The following ADPGK variants were observed in gnomAD, a reference collection of about 807,000 sequenced individuals.
The protein encoded by ADPGK is ADP dependent glucokinase.
A neutral mutation model predicts 42.4 loss-of-function variants in ADPGK; 26 were observed. The ratio of observed to expected loss-of-function variants is 0.61; its 90% CI spans 0.45 to 0.85. The LOEUF is 0.85. Among genes scored for constraint, ADPGK ranks in the 40% least tolerant of loss-of-function variants. The probability of loss-of-function intolerance (pLI) is 0.00; values close to 1 mark genes in which losing one functional copy is unlikely to be tolerated. For missense variants in ADPGK, 571 were observed against 627.0 expected (o/e 0.91, Z 0.95); for synonymous variants, 267 against 252.6 (o/e 1.06, Z -0.54).
chr15:72,772,585 T>A (rs557360131), intron 2 of ADPGK, among the ~76,000 whole-genome samples: 1 of 152,252 alleles, frequency 6.6e-6, no homozygotes, highest in East Asian at 1.9e-4. Context: ...AACAAACCTC[T>A]AATGCAGCTC....
chr15:72,782,330 A>T (rs4777538), intron 1 of ADPGK, among the ~76,000 whole-genome samples: 16,916 of 151,988 alleles, frequency 0.11, 1,661 homozygotes, highest in East Asian at 0.5. Flanking sequence ...CCTGGGCAAT[A>T]TAGCAAGACC....
At chr15:72,753,320 T>C (rs911963868) in intron 6 of ADPGK, among the ~76,000 whole-genome samples, 3 of 152,214 alleles carry the variant, frequency 2.0e-5, no homozygotes, top group Non-Finnish European at 4.4e-5. Flanking sequence ...GTCAGGGTTA[T>C]AATGATTTTT....
chr15:72,759,785 A>T (rs547115873), intron 4 of ADPGK, among the ~76,000 whole-genome samples: 1 of 152,356 alleles, frequency 6.6e-6, no homozygotes, highest in African/African-American at 2.4e-5. Flanking sequence ...AGTATTTAAT[A>T]TTCTCTCAGA....
Position 72,752,552 on chromosome 15 carries a change from C to G in ADPGK, c.1283G>C (p.Arg428Thr). The change falls in exon 7 of 7, where the codon AGG (arginine) becomes ACG (threonine). Residue 428 changes from arginine (R) to threonine (T), a missense_variant. Arg to Thr is a moderately conservative substitution (Grantham distance 71). Transcript: ENST00000456471. The stretch of plus-strand genomic sequence containing the variant: ...GGAAGTCATGAACTCTTGGGGTGCC[C>G]TCAGAGACACTCGGCTGGTGTCTAT... ...ETIDTSRVSL[R>T]APQEFMTSHS... is the part of the protein sequence containing the mutation. The G allele has an allele frequency of 6.2e-7, 1 of 1,614,212 alleles. No homozygotes were observed. The highest frequency in any genetic ancestry group is 8.5e-7 in the Non-Finnish European group (1 of 1,180,040).
chr15:72,755,241 T>G (rs1211352124), intron 6 of ADPGK, among the ~76,000 whole-genome samples: 2 of 152,268 alleles, frequency 1.3e-5, no homozygotes, highest in East Asian at 3.8e-4. Flanking sequence ...TTTGAGCTTC[T>G]TGAAGTTCAA....
intron 4 of ADPGK, chr15:72,757,446 A>C (rs1465636442): frequency 6.6e-6 from 1 of 152,388 alleles, no homozygotes; most frequent in Non-Finnish European, 1.5e-5. Context: ...ACCTCAGGTG[A>C]TCTGCCTGCC....
intron 3 of ADPGK, among the ~76,000 whole-genome samples, chr15:72,771,099 T>A (rs1192424603): frequency 6.6e-6 from 1 of 152,234 alleles, no homozygotes; most frequent in Non-Finnish European, 1.5e-5. Context: ...CAAACCTTAA[T>A]CATTATACAG....
In ADPGK at chr15:72,783,713, G is replaced by A. The variant is rs943446687; in HGVS notation, c.-22C>T. On this transcript the variant is annotated 5_prime_UTR_variant, in exon 1 of 7. Coordinates refer to ENST00000456471, the MANE Select transcript of ADPGK (RefSeq NM_001365225.1). ...CCATGGGGACCCAGGCGCCGCACCT[G>A]CGCGAACCAACTCCTTTCCTAGCCC... is the stretch of plus-strand genomic sequence containing the variant. The A allele has an allele frequency of 6.9e-6, 10 of 1,447,780 alleles. No homozygotes were observed. Among genetic ancestry groups the A allele is most frequent in the African/African-American group, 1.5e-5 (1 of 67,154 alleles). The allele number at this position is 1,447,780 out of a possible 1,614,324, so 89.7% of individuals were successfully genotyped here.
intron 3 of ADPGK, among the ~76,000 whole-genome samples, chr15:72,767,156 T>C (rs1191312796): frequency 6.6e-6 from 1 of 152,114 alleles, no homozygotes; most frequent in South Asian, 2.1e-4. Flanking sequence ...TCAATCAAAA[T>C]AGATTTCAGA....
intron 1 of ADPGK, among the ~76,000 whole-genome samples, chr15:72,779,543 C>A (rs1335744441): frequency 6.6e-6 from 1 of 152,088 alleles, no homozygotes; most frequent in East Asian, 1.9e-4. Context: ...CCATGCCTGC[C>A]GGGTTTCATC....
rs1435235397 is a variant in ADPGK at position 72,774,973 on chromosome 15, T to G, written c.358A>C (p.Ile120Leu). The G allele has an allele frequency of 6.2e-7, 1 of 1,614,198 alleles. No homozygotes were observed. Among genetic ancestry groups the G allele is most frequent in the African/African-American group, 1.3e-5 (1 of 75,050 alleles). The part of the protein sequence containing the change: ...HSRNDLEEAF[I>L]HFMGKGAAAE... Reference sequence around the variant, plus strand: ...GCTGCTCCCTTCCCCATGAAGTGAATGAAGGCTTCTTCCAGATCATTCCTT... The same window carrying G: ...GCTGCTCCCTTCCCCATGAAGTGAAGGAAGGCTTCTTCCAGATCATTCCTT... Residue 120 changes from isoleucine to leucine, a missense_variant, in exon 2 of 7, where the codon ATT (isoleucine) becomes CTT (leucine). Physicochemically the swap from Ile to Leu is conservative, Grantham distance 5 (BLOSUM62 2). This residue lies in a region of ADPGK where 434 missense variants were observed against 522.7 expected (regional missense o/e 0.83). Transcript: ENST00000456471.
intron 2 of ADPGK, 45 bp downstream of exon 2, chr15:72,774,827 G>C: frequency 1.3e-6 from 2 of 1,528,840 alleles, no homozygotes; most frequent in Non-Finnish European, 1.8e-6. Flanking sequence ...TATTAAAAAG[G>C]CATCTTTTTC....
At chr15:72,766,317 A>T (rs968375732) in intron 3 of ADPGK, among the ~76,000 whole-genome samples, 3 of 152,220 alleles carry the variant, frequency 2.0e-5, no homozygotes, top group Non-Finnish European at 2.9e-5. Flanking sequence ...AAATGCTATC[A>T]AACAGCATCA....
chr15:72,763,715 T>C (rs1219470063), intron 3 of ADPGK, among the ~76,000 whole-genome samples: 2 of 152,200 alleles, frequency 1.3e-5, no homozygotes, highest in African/African-American at 4.8e-5. Flanking sequence ...TGTGCTTCAC[T>C]TTACTGTGCT....
In ADPGK at chr15:72,774,923, CTTA is replaced by C; in HGVS notation, c.405_407del (p.Asp135_Lys136delinsGlu). Reference sequence around the variant, plus strand: ...CCTGGGCAATGTCGTGAAAAGTTTCCTTATCACTGAAGAAGCGCTCAGCAGCTG... The same window carrying C: ...CCTGGGCAATGTCGTGAAAAGTTTCCTCACTGAAGAAGCGCTCAGCAGCTG... On this transcript the variant is annotated inframe_deletion, in exon 2 of 7. Coordinates refer to ENST00000456471, the MANE Select transcript of ADPGK (RefSeq NM_001365225.1). The C allele has an allele frequency of 6.2e-7, 1 of 1,614,170 alleles. No individual in the cohort carries two copies. Among genetic ancestry groups the C allele is most frequent in the Non-Finnish European group, 8.5e-7 (1 of 1,180,014 alleles).
chr15:72,762,035 C>T (rs1343829401), intron 3 of ADPGK, among the ~76,000 whole-genome samples: 3 of 152,088 alleles, frequency 2.0e-5, no homozygotes, highest in African/African-American at 7.2e-5. Flanking sequence ...CCAGGCCCAG[C>T]TAATTTTTCT....
At chr15:72,761,239 C>T (rs2066188738) in intron 3 of ADPGK, among the ~76,000 whole-genome samples, 1 of 152,226 alleles carries the variant, frequency 6.6e-6, no homozygotes, top group Non-Finnish European at 1.5e-5. Flanking sequence ...TTTACTCACT[C>T]ACACCTTGTG....
chr15:72,764,580 T>C (rs1185550653), intron 3 of ADPGK, among the ~76,000 whole-genome samples: 1 of 152,230 alleles, frequency 6.6e-6, no homozygotes, highest in Non-Finnish European at 1.5e-5. Context: ...CAAGTGCTGA[T>C]GTAGAAGCTG....
At chr15:72,758,285 T>C (rs1595790190) in intron 4 of ADPGK, 1 of 738,188 alleles carries the variant, frequency 1.4e-6, no homozygotes, top group East Asian at 2.6e-5. Context: ...AAGTGTTGTA[T>C]TCATTCCTGT....
Sources: gnomAD v4.1 joint callset for allele counts (sites outside exome capture counted in the v4.1 genomes callset) on GRCh38, gnomAD v4.1.1 for gene constraint, gnomAD v4.1.1 regional missense constraint, MANE v1.5 for transcripts, NCBI Gene and HGNC (gene_info 2026-07-23, HGNC 2026-07-21) for gene names.